The following OPRD1 variants were observed in gnomAD, a reference collection of about 807,000 sequenced individuals.
OPRD1 encodes opioid receptor delta 1.
In OPRD1, 19 loss-of-function variants were observed where a neutral mutation model predicts 17.5. The observed-to-expected ratio is 1.09, with a 90% CI of 0.76 to 1.60. OPRD1 has a LOEUF of 1.60. Among genes scored for constraint, OPRD1 ranks in the 40% most tolerant of loss-of-function variants. The pLI is 0.00. For missense variants in OPRD1, 483 were observed against 547.2 expected (o/e 0.88, Z 1.17); for synonymous variants, 256 against 240.9 (o/e 1.06, Z -0.58).
Position 28,848,836 on chromosome 1 carries a change from T to C in OPRD1, c.228-10118T>C, listed in dbSNP as rs1197276763. On this transcript the variant is annotated intron_variant, in intron 1 of 2. Transcript: ENST00000234961. ...CTCAGTTTACCTTCTCTAAGAGATG[T>C]CAATACATATTTGGACCACGAGAAA... Among the ~76,000 whole-genome samples, 8 of 152,236 alleles carry C rather than the reference T, an allele frequency of 5.3e-5. No homozygotes were observed. In the Middle Eastern group the frequency reaches 0.01, roughly 194 times the overall value.
chr1:28,813,304 C>T (rs1000160351), intron 1 of OPRD1, among the ~76,000 whole-genome samples: 8 of 152,166 alleles, frequency 5.3e-5, no homozygotes, highest in South Asian at 2.1e-4. Flanking sequence ...ATAACATGGG[C>T]GACAGCTGTG....
At chr1:28,846,066 C>T (rs768457817) in intron 1 of OPRD1, among the ~76,000 whole-genome samples, 52 of 152,326 alleles carry the variant, frequency 3.4e-4, no homozygotes, top group African/African-American at 1.2e-3. Context: ...TGCAGATTTC[C>T]GCTGCCGCCT....
At chr1:28,822,587 T>G (rs2088725356) in intron 1 of OPRD1, among the ~76,000 whole-genome samples, 1 of 152,066 alleles carries the variant, frequency 6.6e-6, no homozygotes, top group South Asian at 2.1e-4. Flanking sequence ...GTTCAAGCAA[T>G]TCTCCTGCCT....
At chr1:28,823,375 TTTTA>T (rs1287015172) in intron 1 of OPRD1, among the ~76,000 whole-genome samples, 16 of 100,326 alleles carry the variant, frequency 1.6e-4, no homozygotes, top group Admixed American at 1.1e-3. Flanking sequence ...CTTTTTTAAA[TTTTA>T]TTTGTTTGTT....
intron 1 of OPRD1, among the ~76,000 whole-genome samples, chr1:28,836,994 T>A (rs2088859202): frequency 6.6e-6 from 1 of 152,188 alleles, no homozygotes; most frequent in Non-Finnish European, 1.5e-5. Flanking sequence ...GCACTTTATT[T>A]CTATTATTAT....
rs1162367873 is a variant in OPRD1 at position 28,862,927 on chromosome 1, A to G, written c.763A>G (p.Ser255Gly). The stretch of plus-strand genomic sequence containing the variant: ...GTCGGGCTCCAAGGAGAAGGACCGC[A>G]GCCTGCGGCGCATCACGCGCATGGT... ...LLSGSKEKDR[S>G]LRRITRMVLV... is the part of the protein sequence containing the mutation. Residue 255 changes from serine to glycine, a missense_variant, in exon 3 of 3, where the codon AGC (serine) becomes GGC (glycine). Coordinates refer to ENST00000234961, the MANE Select transcript of OPRD1 (RefSeq NM_000911.4). 6.2e-7 allele frequency: 1 copy of G among 1,612,916 alleles called. No homozygotes were observed. The highest frequency in any genetic ancestry group is 1.1e-5 in the South Asian group (1 of 91,034).
At position 28,862,764 on chromosome 1, in the gene OPRD1, C is replaced by G. The variant is rs150215434; in HGVS notation, c.600C>G (p.Leu200=). ...RPRDGAVVCM[L]QFPSPSWYWD... is the part of the protein sequence containing the mutation. Reference sequence around the variant, plus strand: ...CAGACGGGGCAGTGGTGTGCATGCTCCAGTTCCCCAGCCCCAGCTGGTACT... The same window carrying G: ...CAGACGGGGCAGTGGTGTGCATGCTGCAGTTCCCCAGCCCCAGCTGGTACT... Residue 200 remains leucine, a synonymous_variant, in exon 3 of 3, where the codon CTC becomes CTG. Coordinates refer to ENST00000234961, the MANE Select transcript of OPRD1 (RefSeq NM_000911.4). The G allele has an allele frequency of 3.0e-4, 484 of 1,611,430 alleles. 1 individual carries two copies. The African/African-American group carries it at 5.6e-3, about 19-fold the overall frequency.
At chr1:28,830,054 T>C (rs2088798191) in intron 1 of OPRD1, among the ~76,000 whole-genome samples, 2 of 152,094 alleles carry the variant, frequency 1.3e-5, no homozygotes, top group South Asian at 4.1e-4. Context: ...AGTTATTAAT[T>C]GGCCTAATTT....
At chr1:28,836,156 T>C (rs148276572) in intron 1 of OPRD1, among the ~76,000 whole-genome samples, 120 of 152,312 alleles carry the variant, frequency 7.9e-4, no homozygotes, top group African/African-American at 2.6e-3. Context: ...GGTGAGATGG[T>C]TAGCCCCTTC....
At chr1:28,820,852 T>C (rs1048595750) in intron 1 of OPRD1, among the ~76,000 whole-genome samples, 1 of 150,378 alleles carries the variant, frequency 6.6e-6, no homozygotes, top group Non-Finnish European at 1.5e-5. Context: ...TGCCCGCCTC[T>C]GGCCTCCCAA....
chr1:28,855,734 CTAATTGTT>C (rs1356120708), intron 1 of OPRD1, among the ~76,000 whole-genome samples: 1 of 152,222 alleles, frequency 6.6e-6, no homozygotes, highest in East Asian at 1.9e-4. Context: ...AGAACAGCCT[CTAATTGTT>C]CTGCGTAAGA....
At chr1:28,861,841 C>T (rs1255483271) in intron 2 of OPRD1, among the ~76,000 whole-genome samples, 1 of 151,676 alleles carries the variant, frequency 6.6e-6, no homozygotes, top group Non-Finnish European at 1.5e-5. Context: ...CCCTCTTTCC[C>T]TGTGGGTACG....
intron 1 of OPRD1, among the ~76,000 whole-genome samples, chr1:28,842,963 T>C (rs998255669): frequency 4.6e-5 from 6 of 129,984 alleles, no homozygotes; most frequent in African/African-American, 1.8e-4. Flanking sequence ...TCCTAGCTAC[T>C]TGGGAAAAAA....
At chr1:28,820,703 T>C (rs1467256959) in intron 1 of OPRD1, among the ~76,000 whole-genome samples, 2 of 152,038 alleles carry the variant, frequency 1.3e-5, no homozygotes, top group Non-Finnish European at 2.9e-5. Context: ...GGCATGCACC[T>C]GTAGTCCCAG....
At chr1:28,860,945 G>T (rs868279911) in intron 2 of OPRD1, among the ~76,000 whole-genome samples, 9 of 152,080 alleles carry the variant, frequency 5.9e-5, no homozygotes. Flanking sequence ...TTCAGCTTAC[G>T]GGCCATTAAC....
At chr1:28,816,800 G>T (rs2088674535) in intron 1 of OPRD1, among the ~76,000 whole-genome samples, 1 of 152,100 alleles carries the variant, frequency 6.6e-6, no homozygotes, top group Non-Finnish European at 1.5e-5. Flanking sequence ...AGTGTCCTCT[G>T]CAGGGCTGGC....
chr1:28,861,568 C>A (rs1352923260), intron 2 of OPRD1, among the ~76,000 whole-genome samples: 2 of 152,128 alleles, frequency 1.3e-5, no homozygotes, highest in African/African-American at 2.4e-5. Flanking sequence ...CCTCAGCCCC[C>A]CAAGTAGCTG....
At chr1:28,849,140 T>C (rs1430331414) in intron 1 of OPRD1, among the ~76,000 whole-genome samples, 3 of 152,088 alleles carry the variant, frequency 2.0e-5, no homozygotes, top group African/African-American at 7.2e-5. Flanking sequence ...CGGTGGCTCA[T>C]GCCTGTAATC....
chr1:28,856,611 T>C (rs1384348471), intron 1 of OPRD1, among the ~76,000 whole-genome samples: 2 of 152,116 alleles, frequency 1.3e-5, no homozygotes, highest in Non-Finnish European at 2.9e-5. Flanking sequence ...GTTGCTGTGG[T>C]GGTGACACTG....
Sources: allele counts gnomAD v4.1 joint callset (sites outside exome capture counted in the v4.1 genomes callset), GRCh38; gene constraint gnomAD v4.1.1; transcripts MANE v1.5; gene names NCBI Gene and HGNC (gene_info 2026-07-23, HGNC 2026-07-21).